The following SPARC variants were observed in gnomAD, a reference collection of about 807,000 sequenced individuals.
SPARC encodes the protein secreted protein acidic and cysteine rich.
SPARC carries 23 observed loss-of-function variants against 37.7 expected under a neutral mutation model. That is an observed-to-expected ratio of 0.61 (90% CI 0.44 to 0.87). The LOEUF (loss-of-function observed/expected upper bound fraction) is 0.87. Ranked by LOEUF, SPARC falls within the 40% of genes least tolerant of loss-of-function variation. SPARC has a pLI of 0.00. For synonymous variants in SPARC, 155 were observed against 150.8 expected (o/e 1.03, Z -0.20); for missense variants, 312 against 389.0 (o/e 0.80, Z 1.66).
At position 151,669,696 on chromosome 5, in the gene SPARC, T is replaced by C. The variant is rs200223394; in HGVS notation, c.419A>G (p.Lys140Arg). The C allele has an allele frequency of 9.5e-5, 154 of 1,614,028 alleles. No homozygotes were observed. The highest frequency in any genetic ancestry group is 9.4e-5 in the Non-Finnish European group (111 of 1,180,024). Residue 140 changes from lysine to arginine, a missense_variant, in exon 6 of 10, where the codon AAG (lysine) becomes AGG (arginine). Transcript: ENST00000231061. Reference protein sequence around the residue: ...CTLEGTKKGHKLHLDYIGPCK... With the variant: ...CTLEGTKKGHRLHLDYIGPCK... ...AGGCCCGATGTAGTCCAGGTGGAGCTTGTGGCCCTTCTTGGTGCCCTCCAG... is the reference window on the plus strand; with the variant it reads ...AGGCCCGATGTAGTCCAGGTGGAGCCTGTGGCCCTTCTTGGTGCCCTCCAG...
At chr5:151,664,954 T>A (rs1342520780) in intron 8 of SPARC, among the ~76,000 whole-genome samples, 1 of 152,090 alleles carries the variant, frequency 6.6e-6, no homozygotes. Flanking sequence ...CCCCAACTAC[T>A]TGTCCCTAAA....
At chr5:151,680,373 A>C (rs961245488) in intron 1 of SPARC, among the ~76,000 whole-genome samples, 13 of 150,508 alleles carry the variant, frequency 8.6e-5, no homozygotes, top group East Asian at 3.9e-4. Flanking sequence ...GATCACAGGC[A>C]CTTGTGACTA....
intron 3 of SPARC, among the ~76,000 whole-genome samples, chr5:151,673,961 T>G (rs1354591040): frequency 7.3e-6 from 1 of 136,926 alleles, no homozygotes; most frequent in Non-Finnish European, 1.5e-5. Flanking sequence ...CATCTCCCCT[T>G]TCCTCTGTGT....
At chr5:151,685,422 T>TCACACACACACACACA (rs3033198) in intron 1 of SPARC, among the ~76,000 whole-genome samples, 58 of 140,520 alleles carry the variant, frequency 4.1e-4, no homozygotes, top group African/African-American at 1.4e-3. Context: ...CCTCTCTCTC[T>TCACACACACACACACA]CACACACACA....
intron 3 of SPARC, among the ~76,000 whole-genome samples, chr5:151,673,528 C>T (rs1183737253): frequency 1.3e-5 from 2 of 152,204 alleles, no homozygotes; most frequent in African/African-American, 2.4e-5. Flanking sequence ...AGTCATCCCT[C>T]TGAGGCTCAC....
chr5:151,664,672 A>G (rs1344494473), intron 8 of SPARC, among the ~76,000 whole-genome samples: 1 of 152,222 alleles, frequency 6.6e-6, no homozygotes, highest in Non-Finnish European at 1.5e-5. Context: ...ACACACATTT[A>G]TACATCTATA....
At chr5:151,670,629 C>T (rs959025420) in intron 5 of SPARC, among the ~76,000 whole-genome samples, 2 of 152,206 alleles carry the variant, frequency 1.3e-5, no homozygotes, top group African/African-American at 2.4e-5. Context: ...GAGTCCTAGT[C>T]GATCTCTGAA....
chr5:151,663,463 G>A lies in SPARC; in HGVS notation c.*108C>T, dbSNP rs1760555978. On this transcript the variant is annotated 3_prime_UTR_variant, in exon 10 of 10. Transcript: ENST00000231061. ...AATGTATTCACTTAAATCTATGTTA[G>A]CACCTTGTCTCCAGGCAGAACAACA... The A allele has an allele frequency of 5.6e-6, 6 of 1,068,348 alleles. No individual in the cohort carries two copies. Among genetic ancestry groups the A allele is most frequent in the Non-Finnish European group, 8.6e-6 (6 of 695,432 alleles). The allele number at this position is 1,068,348 out of a possible 1,614,324, so 66.2% of individuals were successfully genotyped here.
chr5:151,685,444 A>T (rs2113126851), intron 1 of SPARC, among the ~76,000 whole-genome samples: 1 of 151,792 alleles, frequency 6.6e-6, no homozygotes, highest in Admixed American at 6.6e-5. Context: ...ACACACACAC[A>T]CACACACACA....
chr5:151,676,397 A>G (rs1760859097), intron 1 of SPARC, among the ~76,000 whole-genome samples, 196 bp from the exon 2 acceptor site: 1 of 152,218 alleles, frequency 6.6e-6, no homozygotes, highest in Non-Finnish European at 1.5e-5. Context: ...TGGTGCCAAG[A>G]TGTCTTAAAC....
At chr5:151,682,202 T>C (rs918377898) in intron 1 of SPARC, among the ~76,000 whole-genome samples, 1 of 152,100 alleles carries the variant, frequency 6.6e-6, no homozygotes, top group African/African-American at 2.4e-5. Flanking sequence ...AGCTAAAACT[T>C]AGGACTGGAG....
chr5:151,685,521 C>A (rs1561925593), intron 1 of SPARC, among the ~76,000 whole-genome samples: 1 of 151,658 alleles, frequency 6.6e-6, no homozygotes, highest in Non-Finnish European at 1.5e-5. Flanking sequence ...ACTCCATAGA[C>A]CCTGGTTAAG....
Position 151,680,216 on chromosome 5 carries a change from C to CTTTTTTTTTTTTTTTTTT in SPARC, c.-13-4033_-13-4016dup, listed in dbSNP as rs58021431. Reference sequence around the variant, plus strand: ...TGCAATAGAGAATAGTGGAAAACATCTTTTTTTTTTTTTTTTTTTTTTTTT... The same window carrying CTTTTTTTTTTTTTTTTTT: ...TGCAATAGAGAATAGTGGAAAACATCTTTTTTTTTTTTTTTTTTTTTTTTTTTTTTTTTTTTTTTTTTT... On this transcript the variant is annotated intron_variant, in intron 1 of 9. Transcript: ENST00000231061. Among the ~76,000 whole-genome samples the CTTTTTTTTTTTTTTTTTT allele has an allele frequency of 1.5e-4, 9 of 61,978 alleles. 2 individuals carry two copies. The highest frequency in any genetic ancestry group is 6.7e-4 in the African/African-American group (9 of 13,350). The allele number at this position is 61,978 out of a possible 152,430, so 40.7% of individuals were successfully genotyped here. A position where few individuals can be genotyped will look rare whatever the true frequency, so the allele number is the denominator to read the frequency against.
chr5:151,672,529 G>C (rs568928172), intron 4 of SPARC: 1 of 152,492 alleles, frequency 6.6e-6, no homozygotes, highest in Non-Finnish European at 1.5e-5. Flanking sequence ...TGGTTGGACC[G>C]CTTCCAAAGT....
At chr5:151,678,275 C>A (rs867156967) in intron 1 of SPARC, among the ~76,000 whole-genome samples, 1 of 152,090 alleles carries the variant, frequency 6.6e-6, no homozygotes, top group Non-Finnish European at 1.5e-5. Flanking sequence ...CCTGAGTCTG[C>A]GTCCTTCATA....
rs532363805 is a variant in SPARC at position 151,685,409 on chromosome 5, C to T, written c.-14+1456G>A. Among the ~76,000 whole-genome samples, 114 of 115,962 alleles carry T rather than the reference C, an allele frequency of 9.8e-4. 1 individual carries two copies. The South Asian group carries it at 0.018, about 19-fold the overall frequency. 76.1% of individuals were successfully genotyped at this position (115,962 alleles called of 152,430 possible). On this transcript the variant is annotated intron_variant, in intron 1 of 9. Coordinates refer to ENST00000231061, the MANE Select transcript of SPARC (RefSeq NM_003118.4). ...ATATTCATCCTCTCTCTCTCTCTCT[C>T]TCCCTCTCTCTCTCACACACACACA...
intron 7 of SPARC, 86 bp from the exon 8 acceptor site, chr5:151,666,595 G>C (rs1760628479): frequency 7.7e-7 from 1 of 1,298,498 alleles, no homozygotes; most frequent in Admixed American, 2.0e-5. Flanking sequence ...CAGAAGGCCA[G>C]AGCAGGCAGA....
At position 151,667,592 on chromosome 5, in the gene SPARC, G is replaced by T. The variant is rs749186030; in HGVS notation, c.460C>A (p.Pro154Thr). Residue 154 changes from proline to threonine, a missense_variant, in exon 7 of 10, where the codon CCT becomes ACT. By Grantham distance (38) the Pro-to-Thr change is conservative (BLOSUM62 -1). Transcript: ENST00000231061. ...TCGGTCAGCTCAGAGTCCAGGCAAG[G>T]GGGGATGTCTAGGTTCCAAACACAA... ...DYIGPCKYIP[P>T]CLDSELTEFP... 5.0e-6 allele frequency: 8 copies of T among 1,614,066 alleles called. No homozygotes were observed. The highest frequency in any genetic ancestry group is 5.9e-6 in the Non-Finnish European group (7 of 1,179,976).
chr5:151,663,466 C>G lies in SPARC; in HGVS notation c.*105G>C. ...GTATTCACTTAAATCTATGTTAGCA[C>G]CTTGTCTCCAGGCAGAACAACAAAC... On this transcript the variant is annotated 3_prime_UTR_variant, in exon 10 of 10. Coordinates refer to ENST00000231061, the MANE Select transcript of SPARC (RefSeq NM_003118.4). 2.7e-6 allele frequency: 3 copies of G among 1,115,162 alleles called. No individual in the cohort carries two copies. The highest frequency in any genetic ancestry group is 1.4e-6 in the Non-Finnish European group (1 of 736,254). 69.1% of individuals were successfully genotyped at this position (1,115,162 alleles called of 1,614,324 possible). A position where few individuals can be genotyped will look rare whatever the true frequency, so the allele number is the denominator to read the frequency against.
Sources: allele counts gnomAD v4.1 joint callset (sites outside exome capture counted in the v4.1 genomes callset), GRCh38; gene constraint gnomAD v4.1.1; transcripts MANE v1.5; gene names NCBI Gene and HGNC (gene_info 2026-07-23, HGNC 2026-07-21).